Variants in GRID2 observed in about 807,000 individuals in gnomAD.
GRID2 encodes glutamate ionotropic receptor delta type subunit 2, also known as glutamate receptor ionotropic, delta-2.
A neutral mutation model predicts 114.8 loss-of-function variants in GRID2; 33 were observed. The ratio of observed to expected loss-of-function variants is 0.29; its 90% CI spans 0.22 to 0.38. GRID2 has a LOEUF of 0.38. Ranked by LOEUF, GRID2 falls within the 10% of genes least tolerant of loss-of-function variation. GRID2 has a pLI of 1.00. For synonymous variants in GRID2, 505 were observed against 449.9 expected, an observed-to-expected ratio of 1.12 and a Z score of -1.55; for missense variants, 1,184 against 1,257.7, an observed-to-expected ratio of 0.94 and a Z score of 0.89.
chr4:93,454,012 C>T (rs927788284), intron 10 of GRID2, among the ~76,000 whole-genome samples: 4 of 151,968 alleles, frequency 2.6e-5, no homozygotes, highest in Non-Finnish European at 5.9e-5. Flanking sequence ...GGGAGTTAAA[C>T]ATCCAGGTTA....
intron 2 of GRID2, among the ~76,000 whole-genome samples, chr4:92,640,526 C>T (rs955487075): frequency 3.3e-5 from 5 of 151,682 alleles, no homozygotes; most frequent in African/African-American, 1.2e-4. Flanking sequence ...AGCTAAAGCC[C>T]AGGATATGAC....
intron 2 of GRID2, among the ~76,000 whole-genome samples, chr4:92,985,614 A>G (rs1170245921): frequency 1.3e-5 from 2 of 152,158 alleles, no homozygotes; most frequent in African/African-American, 2.4e-5. Context: ...TGAAAGCATG[A>G]CAAAAAAATG....
At chr4:92,359,847 A>G (rs982919942) in intron 1 of GRID2, among the ~76,000 whole-genome samples, 1 of 151,982 alleles carries the variant, frequency 6.6e-6, no homozygotes, top group Non-Finnish European at 1.5e-5. Context: ...TTAGGCTTCT[A>G]ATTGCAAGTG....
At chr4:92,959,630 A>G (rs1281285830) in intron 2 of GRID2, among the ~76,000 whole-genome samples, 1 of 152,162 alleles carries the variant, frequency 6.6e-6, no homozygotes, top group Non-Finnish European at 1.5e-5. Context: ...TATAGACTGG[A>G]TAAATAAAAT....
rs181255475 is a variant in GRID2 at position 92,944,204 on chromosome 4, C to G, written c.245-140791C>G. On this transcript the variant is annotated intron_variant, in intron 2 of 15. Transcript: ENST00000282020. ...TGTGGAGTCTACAGAGGCAGGCAGG[C>G]CTCCTTGAGCTGTGGTGGGCTCCAC... 3.1e-3 allele frequency among the ~76,000 whole-genome samples: 474 copies of G among 152,306 alleles called. 2 individuals carry two copies. The highest frequency in any genetic ancestry group is 0.014 in the Middle Eastern group (4 of 294).
At chr4:92,568,768 A>G (rs973476929) in intron 1 of GRID2, among the ~76,000 whole-genome samples, 5 of 151,732 alleles carry the variant, frequency 3.3e-5, no homozygotes, top group Non-Finnish European at 5.9e-5. Flanking sequence ...GTTCCCCTCC[A>G]TGTGACCATG....
chr4:93,421,480 G>C (rs529605068), intron 9 of GRID2, among the ~76,000 whole-genome samples: 44 of 152,084 alleles, frequency 2.9e-4, no homozygotes, highest in Non-Finnish European at 4.9e-4. Flanking sequence ...GAAAATGTAA[G>C]TACCTTAGAT....
At chr4:93,544,431 G>C (rs1284130512) in intron 13 of GRID2, among the ~76,000 whole-genome samples, 2 of 152,018 alleles carry the variant, frequency 1.3e-5, no homozygotes, top group African/African-American at 4.8e-5. Flanking sequence ...TGCTCTGCCA[G>C]CCCTATTTTA....
intron 4 of GRID2, among the ~76,000 whole-genome samples, chr4:93,179,663 T>G (rs1739697461): frequency 6.6e-6 from 1 of 152,192 alleles, no homozygotes; most frequent in Admixed American, 6.6e-5. Context: ...TCAAAACAAT[T>G]CAATATGGTA....
chr4:93,460,731 A>G (rs1723658426), intron 11 of GRID2, among the ~76,000 whole-genome samples: 1 of 152,206 alleles, frequency 6.6e-6, no homozygotes, highest in Non-Finnish European at 1.5e-5. Flanking sequence ...GATGCTAAAT[A>G]CTTAACTAAA....
At chr4:92,635,200 AAGTAAGCAGGACCTTTG>A (rs1560502116) in intron 2 of GRID2, among the ~76,000 whole-genome samples, 1 of 152,068 alleles carries the variant, frequency 6.6e-6, no homozygotes, top group Non-Finnish European at 1.5e-5. Context: ...TACTGCCTCA[AAGTAAGCAGGACCTTTG>A]AGCAAGCAGC....
chr4:93,112,143 G>A lies in GRID2; in HGVS notation c.735+1190G>A, dbSNP rs1255904043. The A allele has an allele frequency of 2.0e-5, 3 of 152,078 alleles. No homozygotes were observed. The South Asian group carries it at 6.2e-4, about 32-fold the overall frequency. The allele number at this position is 152,078 out of a possible 1,614,324, so 9.4% of individuals were successfully genotyped here. A position where few individuals can be genotyped will look rare whatever the true frequency, so the allele number is the denominator to read the frequency against. ...TGGAAGATGGGAGTGAGTACACAGA[G>A]GATGTAATATAAATTAGGATGTTAA... On this transcript the variant is annotated intron_variant, in intron 4 of 15. Transcript: ENST00000282020.
chr4:92,477,045 G>A (rs1309592589), intron 1 of GRID2, among the ~76,000 whole-genome samples: 5 of 17,696 alleles, frequency 2.8e-4, no homozygotes, highest in South Asian at 1.6e-3. Flanking sequence ...CTTCATGTGT[G>A]TGTGTGTGTG....
intron 2 of GRID2, among the ~76,000 whole-genome samples, chr4:92,637,703 G>C (rs746300742): frequency 1.3e-5 from 2 of 152,048 alleles, no homozygotes; most frequent in South Asian, 2.1e-4. Flanking sequence ...ACTTATTTGC[G>C]TGTTCTTTGG....
intron 2 of GRID2, among the ~76,000 whole-genome samples, chr4:92,981,758 G>A (rs1283181043): frequency 2.0e-5 from 3 of 151,854 alleles, no homozygotes; most frequent in East Asian, 3.9e-4. Context: ...TATTGGGAAT[G>A]CATTCTCTAA....
intron 4 of GRID2, among the ~76,000 whole-genome samples, chr4:93,137,979 T>TTG (rs1479844449): frequency 7.0e-6 from 1 of 142,578 alleles, no homozygotes; most frequent in Non-Finnish European, 1.5e-5. Context: ...TTTTTTTTTT[T>TTG]TTTTTTTTTT....
At chr4:92,470,726 T>C (rs12645728) in intron 1 of GRID2, among the ~76,000 whole-genome samples, 26,546 of 151,932 alleles carry the variant, frequency 0.17, 2,615 homozygotes, top group Middle Eastern at 0.26. Context: ...TTTTCAATAA[T>C]GGCCAAAGAC....
At chr4:92,398,865 G>C (rs1264733741) in intron 1 of GRID2, among the ~76,000 whole-genome samples, 2 of 152,170 alleles carry the variant, frequency 1.3e-5, no homozygotes, top group Non-Finnish European at 2.9e-5. Context: ...CATGTTATGA[G>C]CAGTGGGACT....
chr4:93,393,999 A>G (rs755062995), intron 8 of GRID2, among the ~76,000 whole-genome samples: 1 of 152,050 alleles, frequency 6.6e-6, no homozygotes, highest in African/African-American at 2.4e-5. Flanking sequence ...ACATTGGAAT[A>G]GCTCTTCACT....
Sources: gnomAD v4.1 joint callset for allele counts (sites outside exome capture counted in the v4.1 genomes callset) on GRCh38, gnomAD v4.1.1 for gene constraint, MANE v1.5 for transcripts, NCBI Gene and HGNC (gene_info 2026-07-23, HGNC 2026-07-21) for gene names.